The following ARFGEF1 variants were observed in gnomAD, a reference collection of about 807,000 sequenced individuals.
ARFGEF1 encodes the protein ARF guanine nucleotide exchange factor 1.
ARFGEF1 carries 42 observed loss-of-function variants against 231.0 expected under a neutral mutation model. The observed-to-expected ratio is 0.18, with a 90% CI of 0.14 to 0.24. ARFGEF1 has a LOEUF of 0.24. ARFGEF1 is among the 10% of genes least tolerant of loss of function. The pLI, the probability that ARFGEF1 is intolerant of heterozygous loss-of-function variation, is 1.00. For synonymous variants in ARFGEF1, 710 were observed against 732.3 expected, an observed-to-expected ratio of 0.97 and a Z score of 0.49; for missense variants, 1,345 against 2,192.0, an observed-to-expected ratio of 0.61 and a Z score of 7.72.
downstream of ARFGEF1, chr8:67,193,456 A>G (rs759625012): frequency 3.7e-6 from 6 of 1,607,882 alleles, no homozygotes; most frequent in East Asian, 8.9e-5. Context: ...TCTGTTTTCT[A>G]ACTACAGGAT....
intron 10 of ARFGEF1, among the ~76,000 whole-genome samples, chr8:67,270,989 A>G (rs1278316201): frequency 7.2e-6 from 1 of 139,026 alleles, no homozygotes; most frequent in Non-Finnish European, 1.5e-5. Flanking sequence ...GCACCATTAC[A>G]CTCCAGCCTG....
At chr8:67,218,193 A>T (rs1270067985) in intron 30 of ARFGEF1, 55 bp from the exon 31 acceptor site, 8 of 125,308 alleles carry the variant, frequency 6.4e-5, no homozygotes, top group African/African-American at 5.6e-4. Flanking sequence ...ACTATGATTA[A>T]AAAAAAAAAA....
intron 28 of ARFGEF1, 142 bp from the exon 29 acceptor site, chr8:67,225,175 C>T (rs2128870709): frequency 1.3e-6 from 1 of 762,464 alleles, no homozygotes; most frequent in Non-Finnish European, 1.8e-6. Flanking sequence ...AAAATGGACA[C>T]TATAACTGCC....
intron 3 of ARFGEF1, 114 bp downstream of exon 3, chr8:67,301,110 C>A: frequency 1.9e-6 from 2 of 1,031,342 alleles, no homozygotes; most frequent in South Asian, 2.4e-5. Flanking sequence ...GATTTTTTAC[C>A]ACAAAAAAGA....
chr8:67,287,922 CAG>C lies in ARFGEF1; in HGVS notation c.1027+31_1027+32del, dbSNP rs766888319. 6.9e-6 allele frequency: 10 copies of C among 1,447,628 alleles called. No homozygotes were observed. In the East Asian group the frequency reaches 2.5e-4, roughly 36 times the overall value. The allele number at this position is 1,447,628 out of a possible 1,614,324, so 89.7% of individuals were successfully genotyped here. On this transcript the variant is annotated intron_variant, in intron 7 of 38. Coordinates refer to ENST00000262215, the MANE Select transcript of ARFGEF1 (RefSeq NM_006421.5). The stretch of plus-strand genomic sequence containing the variant: ...CCACAGTCAGATGAAATCCCATAGA[CAG>C]AGTAAAATAATTTTGAATGAAGTAT...
chr8:67,240,279 C>G lies in ARFGEF1; in HGVS notation c.2862G>C (p.Thr954=). The G allele has an allele frequency of 3.8e-6, 6 of 1,590,142 alleles. No homozygotes were observed. The highest frequency in any genetic ancestry group is 5.1e-6 in the Non-Finnish European group (6 of 1,174,088). The change falls in exon 20 of 39, where the codon ACG becomes ACC. Residue 954 remains threonine (T), a synonymous_variant. Coordinates refer to ENST00000262215, the MANE Select transcript of ARFGEF1 (RefSeq NM_006421.5). The stretch of plus-strand genomic sequence containing the variant: ...CCACACTGAATGCAGCCAGAAAAGG[C>G]GTCCAAGCCAACTACAAAAATTAAA... ...HVRPMFKLAW[T]PFLAAFSVGL...
chr8:67,317,897 TCA>T (rs1807395804), intron 1 of ARFGEF1, among the ~76,000 whole-genome samples: 1 of 115,626 alleles, frequency 8.6e-6, no homozygotes, highest in Non-Finnish European at 1.7e-5. Flanking sequence ...AGACTCTGTC[TCA>T]AAAAAAAAAA....
At chr8:67,220,920 T>C (rs922797845) in intron 29 of ARFGEF1, among the ~76,000 whole-genome samples, 5 of 148,854 alleles carry the variant, frequency 3.4e-5, no homozygotes, top group African/African-American at 1.2e-4. Flanking sequence ...TTTAAAGCCA[T>C]ACTTAAGTAG....
At chr8:67,179,346 C>G (rs1373176583) in intron 5 of ARFGEF1, among the ~76,000 whole-genome samples, 1 of 152,120 alleles carries the variant, frequency 6.6e-6, no homozygotes, top group African/African-American at 2.4e-5. Context: ...GAGTATACCC[C>G]TCTCTCTCCC....
At chr8:67,197,491 T>G (rs1838098538), downstream of ARFGEF1, among the ~76,000 whole-genome samples, 1 of 152,100 alleles carries the variant, frequency 6.6e-6, no homozygotes, top group African/African-American at 2.4e-5. Flanking sequence ...TAAAAATAAG[T>G]ATCCTATGGT....
chr8:67,217,759 A>G (rs1838987935), intron 32 of ARFGEF1, 23 bp downstream of exon 32: 3 of 1,608,876 alleles, frequency 1.9e-6, no homozygotes, highest in East Asian at 2.2e-5. Context: ...ATATAAATGT[A>G]AAGTTGTATA....
At position 67,200,300 on chromosome 8, in the gene ARFGEF1, C is replaced by A. The variant is rs759890821; in HGVS notation, c.5385+96G>T. 7 of 872,146 alleles carry A rather than the reference C, an allele frequency of 8.0e-6. No homozygotes were observed. In the Admixed American group the frequency reaches 8.7e-5, roughly 11 times the overall value. The allele number at this position is 872,146 out of a possible 1,614,324, so 54.0% of individuals were successfully genotyped here. ...AGTGCAGCCTGGGCACTGCTTGATT[C>A]ATCTCTGAGAGCTCTTGCACGGCGG... On this transcript the variant is annotated intron_variant, in intron 38 of 38. Transcript: ENST00000262215.
intron 34 of ARFGEF1, among the ~76,000 whole-genome samples, chr8:67,210,015 T>C (rs1453126318): frequency 2.0e-5 from 3 of 150,752 alleles, no homozygotes; most frequent in Non-Finnish European, 1.5e-5. Flanking sequence ...ATTAATTGGG[T>C]ATGGTGGCAG....
intron 37 of ARFGEF1, among the ~76,000 whole-genome samples, chr8:67,200,947 TA>T (rs1266232176): frequency 2.0e-5 from 3 of 152,256 alleles, no homozygotes; most frequent in African/African-American, 7.2e-5. Flanking sequence ...GGTGATCCCT[TA>T]AAATTCTAAA....
chr8:67,327,905 T>C (rs1807912462), intron 1 of ARFGEF1, among the ~76,000 whole-genome samples: 2 of 152,226 alleles, frequency 1.3e-5, no homozygotes, highest in Non-Finnish European at 2.9e-5. Context: ...TCCTATATTG[T>C]TGACTACTTG....
chr8:67,342,663 A>G (rs991725937), intron 1 of ARFGEF1, among the ~76,000 whole-genome samples: 1 of 152,016 alleles, frequency 6.6e-6, no homozygotes, highest in Non-Finnish European at 1.5e-5. Flanking sequence ...ACCCCTTCTC[A>G]AGACTGTCAA....
intron 17 of ARFGEF1, among the ~76,000 whole-genome samples, chr8:67,254,133 G>A (rs1481474340): frequency 6.6e-6 from 1 of 152,206 alleles, no homozygotes; most frequent in Non-Finnish European, 1.5e-5. Context: ...TATGTCAGGT[G>A]ATCTGTACAA....
chr8:67,239,132 G>A (rs1258213282), intron 20 of ARFGEF1, among the ~76,000 whole-genome samples: 4 of 151,756 alleles, frequency 2.6e-5, no homozygotes, highest in African/African-American at 7.3e-5. Context: ...TCAGCCTCCC[G>A]AGTAGCTGGG....
chr8:67,174,386 AGTGTAATTAGT>A (rs564506081), downstream of ARFGEF1: 16 of 152,298 alleles, frequency 1.1e-4, no homozygotes, highest in African/African-American at 3.8e-4. Flanking sequence ...ATATTCCAGC[AGTGTAATTAGT>A]GAGTCAAAGG....
Sources: gnomAD v4.1 joint callset for allele counts (sites outside exome capture counted in the v4.1 genomes callset) on GRCh38, gnomAD v4.1.1 for gene constraint, MANE v1.5 for transcripts, NCBI Gene and HGNC (gene_info 2026-07-23, HGNC 2026-07-21) for gene names.